MCM8: variants seen among roughly 807,000 people sequenced by gnomAD.
MCM8 encodes DNA helicase MCM8.
In MCM8, 85 loss-of-function variants were observed where a neutral mutation model predicts 98.9. The observed-to-expected ratio is 0.86, with a 90% confidence interval of 0.72 to 1.03. MCM8 has a LOEUF of 1.03. Ranked by LOEUF, MCM8 falls within the 50% of genes least tolerant of loss-of-function variation. The pLI is 0.00. For missense variants in MCM8, 951 were observed against 997.8 expected (o/e 0.95, Z 0.63); for synonymous variants, 352 against 338.6 (o/e 1.04, Z -0.44).
chr20:5,958,653 C>G lies in MCM8; in HGVS notation c.716C>G (p.Ala239Gly). 6.2e-7 allele frequency: 1 copy of G among 1,614,112 alleles called. No homozygotes were observed. The highest frequency in any genetic ancestry group is 8.5e-7 in the Non-Finnish European group (1 of 1,180,012). ...SNIKPLCTKM[A>G]FLCAACGEIQ... Reference sequence around the variant, plus strand: ...ATAAAGCCTCTTTGCACCAAGATGGCTTTTCTTTGTGCTGCATGTGGAGAA... The same window carrying G: ...ATAAAGCCTCTTTGCACCAAGATGGGTTTTCTTTGTGCTGCATGTGGAGAA... Residue 239 changes from alanine to glycine, a missense_variant, in exon 7 of 19, where the codon GCT becomes GGT. Coordinates refer to ENST00000610722, the MANE Select transcript of MCM8 (RefSeq NM_032485.6).
chr20:5,986,603 G>T (rs1159272652), intron 16 of MCM8, among the ~76,000 whole-genome samples: 2 of 152,184 alleles, frequency 1.3e-5, no homozygotes, highest in East Asian at 3.8e-4. Context: ...AGCTAGCTCA[G>T]AGTTTGGGCT....
Position 5,993,579 on chromosome 20 carries a change from A to G in MCM8, c.2314A>G (p.Asn772Asp), listed in dbSNP as rs754790683. ...ATCCCAGCATGGTTCTGGAATGAGC[A>G]ACAGGTCAACAGCGAAAAGATTTAT... ...ERSQHGSGMS[N>D]RSTAKRFISA... The change falls in exon 18 of 19, where the codon AAC (asparagine) becomes GAC (aspartate). Residue 772 changes from asparagine to aspartate, a missense_variant. By Grantham distance (23) the Asn-to-Asp change is conservative (BLOSUM62 1). Coordinates refer to ENST00000610722, the MANE Select transcript of MCM8 (RefSeq NM_032485.6). The G allele has an allele frequency of 6.2e-7, 1 of 1,612,434 alleles. No individual in the cohort carries two copies. The highest frequency in any genetic ancestry group is 1.1e-5 in the South Asian group (1 of 90,868).
chr20:5,977,762 CACT>C, intron 12 of MCM8, 111 bp from the exon 13 acceptor site: 1 of 1,099,280 alleles, frequency 9.1e-7, no homozygotes, highest in Non-Finnish European at 1.3e-6. Flanking sequence ...GCACCTTGTA[CACT>C]AAAGCTCTTA....
In MCM8 at chr20:5,978,102, T is replaced by G. The variant is rs765437011; in HGVS notation, c.1537+85T>G. 2.0e-4 allele frequency: 306 copies of G among 1,506,824 alleles called. 1 individual carries two copies. The highest frequency in any genetic ancestry group is 2.6e-4 in the Non-Finnish European group (284 of 1,104,470). 93.3% of individuals were successfully genotyped at this position (1,506,824 alleles called of 1,614,324 possible). ...TCAGTTAATTTCTTTACATTCTGTT[T>G]AAGAGAAACATTTAGATAGCAAAGT... On this transcript the variant is annotated intron_variant, in intron 13 of 18. Transcript: ENST00000610722.
chr20:5,967,618 C>T, intron 9 of MCM8, 31 bp downstream of exon 9: 1 of 1,578,124 alleles, frequency 6.3e-7, no homozygotes, highest in Non-Finnish European at 8.6e-7. Context: ...TTATTTGTCT[C>T]TCAATAATGA....
At chr20:5,982,222 C>T (rs1318955575) in intron 13 of MCM8, among the ~76,000 whole-genome samples, 3 of 152,272 alleles carry the variant, frequency 2.0e-5, no homozygotes, top group Admixed American at 6.5e-5. Flanking sequence ...GTTAGGTTAG[C>T]AGCTGGGGAT....
intron 1 of MCM8, among the ~76,000 whole-genome samples, chr20:5,951,520 AT>A (rs778869764): frequency 5.3e-5 from 8 of 152,154 alleles, no homozygotes; most frequent in Non-Finnish European, 1.2e-4. Context: ...ACAGTTTTGG[AT>A]TTACAGAAAA....
rs1376789257 is a variant in MCM8, at chr20:5,952,114, AAG to A, written c.103_104del (p.Glu35ThrfsTer4). The A allele has an allele frequency of 1.9e-6, 3 of 1,614,044 alleles. No homozygotes were observed. Among genetic ancestry groups the A allele is most frequent in the South Asian group, 2.2e-5 (2 of 91,086 alleles). The part of the protein sequence containing the change: ...GGNFSGKWRE[R>X]EHRPDLSKTT... The stretch of plus-strand genomic sequence containing the variant: ...GGAACTTCTCAGGAAAATGGAGAGA[AAG>A]AGAACACAGACCTGATCTGAGTAAA... On this transcript the variant is annotated frameshift_variant, in exon 2 of 19. Coordinates refer to ENST00000610722, the MANE Select transcript of MCM8 (RefSeq NM_032485.6). LOFTEE classifies it high-confidence loss of function.
chr20:5,980,863 C>A, intron 13 of MCM8, among the ~76,000 whole-genome samples: 1 of 139,306 alleles, frequency 7.2e-6, no homozygotes, highest in Non-Finnish European at 1.5e-5. Flanking sequence ...CAGAACGAAA[C>A]TCTGTCTCTC....
Position 5,973,111 on chromosome 20 carries a change from A to G in MCM8, c.1310A>G (p.Asp437Gly), listed in dbSNP as rs778852138. Residue 437 changes from aspartate to glycine, a missense_variant, in exon 12 of 19, where the codon GAT becomes GGT. By Grantham distance (94) the Asp-to-Gly change is moderately conservative (BLOSUM62 -1). Coordinates refer to ENST00000610722, the MANE Select transcript of MCM8 (RefSeq NM_032485.6). Reference sequence around the variant, plus strand: ...TTTGGAGGAAGCCAGAAATACGCAGATGACAAAAACAGAATTCCAATTCGG... The same window carrying G: ...TTTGGAGGAAGCCAGAAATACGCAGGTGACAAAAACAGAATTCCAATTCGG... ...ALFGGSQKYADDKNRIPIRGD... is the reference protein window; with the variant it reads ...ALFGGSQKYAGDKNRIPIRGD... 22 of 1,614,122 alleles carry G rather than the reference A, an allele frequency of 1.4e-5. No individual in the cohort carries two copies. Among genetic ancestry groups the G allele is most frequent in the Non-Finnish European group, 1.7e-5 (20 of 1,180,050 alleles).
chr20:5,958,677 A>G lies in MCM8; in HGVS notation c.740A>G (p.Glu247Gly), dbSNP rs546744254. The change falls in exon 7 of 19, where the codon GAA (glutamate) becomes GGA (glycine). Residue 247 changes from glutamate (E) to glycine (G), a missense_variant. Glu to Gly is a moderately conservative substitution (Grantham distance 98). Transcript: ENST00000610722. ...KMAFLCAACG[E>G]IQSFPLPDGK... ...GCTTTTCTTTGTGCTGCATGTGGAGAAATTCAGAGCTTTCCTCTTCCAGAT... is the reference window on the plus strand; with the variant it reads ...GCTTTTCTTTGTGCTGCATGTGGAGGAATTCAGAGCTTTCCTCTTCCAGAT... 1.2e-6 allele frequency: 2 copies of G among 1,614,114 alleles called. No homozygotes were observed. The highest frequency in any genetic ancestry group is 4.5e-5 in the East Asian group (2 of 44,862).
Position 5,994,042 on chromosome 20 carries a change from A to T in MCM8, c.2431-257A>T, listed in dbSNP as rs79904760. 13,802 of 337,916 alleles carry T rather than the reference A, an allele frequency of 0.041. 364 individuals are homozygous for T. The highest frequency in any genetic ancestry group is 0.076 in the Middle Eastern group (98 of 1,290). 20.9% of individuals were successfully genotyped at this position (337,916 alleles called of 1,614,324 possible). A position where few individuals can be genotyped will look rare whatever the true frequency, so the allele number is the denominator to read the frequency against. ...TGGAAAATTAACTTCTTAATTTCAAAAGTTAGCTTGATTTTTTTCAGCTAA... is the reference window on the plus strand; with the variant it reads ...TGGAAAATTAACTTCTTAATTTCAATAGTTAGCTTGATTTTTTTCAGCTAA... On this transcript the variant is annotated intron_variant, in intron 18 of 18. Coordinates refer to ENST00000610722, the MANE Select transcript of MCM8 (RefSeq NM_032485.6).
intron 5 of MCM8, among the ~76,000 whole-genome samples, chr20:5,956,270 TTC>T (rs1486410121): frequency 6.6e-6 from 1 of 152,192 alleles, no homozygotes; most frequent in Non-Finnish European, 1.5e-5. Flanking sequence ...TGTAAAACCT[TTC>T]TCATGACCAC....
At position 5,996,293 on chromosome 20, in the gene MCM8, A is replaced by AT. The variant is rs397865902; in HGVS notation, c.*1903dup. The AT allele has an allele frequency of 6.8e-6, 1 of 147,486 alleles. No homozygotes were observed. The highest frequency in any genetic ancestry group is 6.8e-5 in the Admixed American group (1 of 14,690). The allele number at this position is 147,486 out of a possible 1,614,324, so 9.1% of individuals were successfully genotyped here. A position where few individuals can be genotyped will look rare whatever the true frequency, so the allele number is the denominator to read the frequency against. On this transcript the variant is annotated 3_prime_UTR_variant, in exon 19 of 19. Transcript: ENST00000610722. Reference sequence around the variant, plus strand: ...TGTCTCTTAAAGAAAAAAAAAAAAAATGGAGAAAGTAGATAGTAGTATAAA... The same window carrying AT: ...TGTCTCTTAAAGAAAAAAAAAAAAAATTGGAGAAAGTAGATAGTAGTATAAA...
chr20:5,993,413 C>A (rs2122850970), intron 17 of MCM8, 93 bp from the exon 18 acceptor site: 79 of 1,021,476 alleles, frequency 7.7e-5, no homozygotes, highest in African/African-American at 1.6e-5. Context: ...CTTGTGGCTA[C>A]TTCCAAATTT....
chr20:5,982,055 C>G (rs1351285788), intron 13 of MCM8, among the ~76,000 whole-genome samples: 1 of 152,038 alleles, frequency 6.6e-6, no homozygotes, highest in Non-Finnish European at 1.5e-5. Context: ...GTAGAAAACC[C>G]AAACATGAAA....
intron 17 of MCM8, among the ~76,000 whole-genome samples, chr20:5,992,248 G>A (rs1050383385): frequency 6.6e-6 from 1 of 152,086 alleles, no homozygotes; most frequent in East Asian, 1.9e-4. Flanking sequence ...GTAACTTCTG[G>A]CAAGTCACTT....
chr20:5,959,139 G>GT (rs57526209), intron 7 of MCM8, among the ~76,000 whole-genome samples: 11,565 of 152,078 alleles, frequency 0.076, 552 homozygotes, highest in East Asian at 0.24. Flanking sequence ...GAAGTGATGG[G>GT]TTTTTTAAAT....
At chr20:5,975,836 T>C (rs1158282844) in intron 12 of MCM8, among the ~76,000 whole-genome samples, 3 of 151,978 alleles carry the variant, frequency 2.0e-5, no homozygotes, top group Admixed American at 6.6e-5. Flanking sequence ...AGATAGTTGT[T>C]CTAAAATGTG....
Sources: gnomAD v4.1 joint callset for allele counts (sites outside exome capture counted in the v4.1 genomes callset) on GRCh38, gnomAD v4.1.1 for gene constraint, MANE v1.5 for transcripts, NCBI Gene and HGNC (gene_info 2026-07-23, HGNC 2026-07-21) for gene names.